ASH1L: variants seen among roughly 807,000 people sequenced by gnomAD.
ASH1L encodes histone-lysine N-methyltransferase ASH1L.
In ASH1L, 23 loss-of-function variants were observed where a neutral mutation model predicts 269.0. The ratio of observed to expected loss-of-function variants is 0.09; its 90% CI spans 0.06 to 0.12. ASH1L has a LOEUF of 0.12. Ranked by LOEUF, ASH1L falls within the 10% of genes least tolerant of loss-of-function variation. ASH1L has a pLI of 1.00. For missense variants in ASH1L, 2,912 were observed against 3,567.8 expected (o/e 0.82, Z 4.68); for synonymous variants, 1,187 against 1,253.5 (o/e 0.95, Z 1.12).
At chr1:155,361,518 CAAAAAAAAAA>C (rs1161207568) in intron 12 of ASH1L, among the ~76,000 whole-genome samples, 4 of 36,380 alleles carry the variant, frequency 1.1e-4, no homozygotes, top group African/African-American at 2.6e-4. Context: ...CTCCATCTCA[CAAAAAAAAAA>C]AAAAAAAAAA....
Position 155,337,239 on chromosome 1 carries a change from T to G in ASH1L, c.*421A>C, listed in dbSNP as rs1215917501. 6.4e-6 allele frequency: 1 copy of G among 155,962 alleles called. No homozygotes were observed. Among genetic ancestry groups the G allele is most frequent in the East Asian group, 1.8e-4 (1 of 5,428 alleles). The allele number at this position is 155,962 out of a possible 1,614,324, so 9.7% of individuals were successfully genotyped here. A position where few individuals can be genotyped will look rare whatever the true frequency, so the allele number is the denominator to read the frequency against. Reference sequence around the variant, plus strand: ...CAACAGAGAATAGATGGGGTAGGAATAGGGATCCTGGCCCTATCCCTTTGG... The same window carrying G: ...CAACAGAGAATAGATGGGGTAGGAAGAGGGATCCTGGCCCTATCCCTTTGG... On this transcript the variant is annotated 3_prime_UTR_variant, in exon 28 of 28. Transcript: ENST00000392403.
intron 6 of ASH1L, chr1:155,396,992 G>A (rs1439000564): frequency 6.6e-6 from 1 of 150,570 alleles, no homozygotes; most frequent in African/African-American, 2.4e-5. Flanking sequence ...GGGTGTGGTA[G>A]TGCATGCCTT....
rs1187301977 is a variant in ASH1L, at chr1:155,343,631, C to T, written c.8093G>A (p.Arg2698His). 1.2e-6 allele frequency: 2 copies of T among 1,614,106 alleles called. No homozygotes were observed. The highest frequency in any genetic ancestry group is 1.1e-5 in the South Asian group (1 of 91,076). The change falls in exon 23 of 28, where the codon CGC (arginine) becomes CAC (histidine). Residue 2698 changes from arginine to histidine, a missense_variant. By Grantham distance (29) the Arg-to-His change is conservative. Around this residue, in one of 13 missense-constraint regions of ASH1L, gnomAD observed 179 missense variants for 293.8 expected, o/e 0.61. Transcript: ENST00000392403. The surrounding 1 kb of genome is among the most constrained non-coding windows in gnomAD (Gnocchi z 6.1). ...HINRDKLDIF[R>H]IEKLWKNEKE... is the part of the protein sequence containing the mutation. ...TTCATTCTTCCAAAGCTTCTCAATG[C>T]GAAAGATGTCAAGTTTATCTCGGTT...
At chr1:155,487,553 T>G (rs969069391) in intron 2 of ASH1L, among the ~76,000 whole-genome samples, 14 of 151,810 alleles carry the variant, frequency 9.2e-5, no homozygotes, top group South Asian at 2.1e-4. Context: ...TTGTTTTTTG[T>G]TTTTTGGTTT....
At chr1:155,431,199 C>A (rs1366527278) in intron 5 of ASH1L, among the ~76,000 whole-genome samples, 4 of 151,046 alleles carry the variant, frequency 2.6e-5, no homozygotes, top group Non-Finnish European at 4.4e-5. Context: ...AGCAAGATGC[C>A]GTCTCAACAA....
intron 16 of ASH1L, among the ~76,000 whole-genome samples, 158 bp downstream of exon 16, chr1:155,354,315 C>T (rs1286970472): frequency 2.0e-5 from 3 of 152,090 alleles, no homozygotes; most frequent in Admixed American, 1.3e-4. Context: ...TGGTGGCGGG[C>T]GCCTGTAATC....
intron 1 of ASH1L, among the ~76,000 whole-genome samples, chr1:155,533,638 T>C (rs1669839007): frequency 6.7e-6 from 1 of 149,888 alleles, no homozygotes; most frequent in Non-Finnish European, 1.5e-5. Flanking sequence ...CACTTGAACC[T>C]GGCAGGCAAA....
At chr1:155,434,330 T>A (rs1661898642) in intron 5 of ASH1L, 1 of 1,547,714 alleles carries the variant, frequency 6.5e-7, no homozygotes. Context: ...ACCTGGAGTT[T>A]GTGCCAGGGC....
chr1:155,480,089 G>C lies in ASH1L; in HGVS notation c.2781C>G (p.Asp927Glu), dbSNP rs1665848278. ...ESPSKLESES[D>E]NHRSSSDFFE... is the part of the protein sequence containing the mutation. ...AGAAATCACTGCTACTTCTATGGTT[G>C]TCACTTTCAGATTCTAGCTTGCTTG... The change falls in exon 3 of 28, where the codon GAC (aspartate) becomes GAG (glutamate). Residue 927 changes from aspartate (D) to glutamate (E), a missense_variant. Physicochemically the swap from Asp to Glu is conservative, Grantham distance 45. This residue lies in a region of ASH1L where 715 missense variants were observed against 721.0 expected (regional missense o/e 0.99). Coordinates refer to ENST00000392403, the MANE Select transcript of ASH1L (RefSeq NM_018489.3). 2 of 1,613,944 alleles carry C rather than the reference G, an allele frequency of 1.2e-6. No homozygotes were observed. Among genetic ancestry groups the C allele is most frequent in the South Asian group, 2.2e-5 (2 of 91,080 alleles).
At chr1:155,339,601 T>G (rs1652601740) in intron 25 of ASH1L, among the ~76,000 whole-genome samples, 1 of 152,306 alleles carries the variant, frequency 6.6e-6, no homozygotes, top group Non-Finnish European at 1.5e-5. Flanking sequence ...TCTATCCCAT[T>G]TCACCTTTTA....
rs183141614 is a variant in ASH1L at position 155,362,208 on chromosome 1, A to T, written c.6687-1799T>A. Among the ~76,000 whole-genome samples the T allele has an allele frequency of 4.6e-5, 7 of 151,834 alleles. No individual in the cohort carries two copies. The East Asian group carries it at 1.4e-3, about 30-fold the overall frequency. On this transcript the variant is annotated intron_variant, in intron 12 of 27. Coordinates refer to ENST00000392403, the MANE Select transcript of ASH1L (RefSeq NM_018489.3). ...TGCCACCACGCCCAGCTACTTTTTC[A>T]TATTTTTAGTAGAGACAGGGTTTCA...
intron 10 of ASH1L, among the ~76,000 whole-genome samples, chr1:155,375,974 C>T (rs1297841260): frequency 2.0e-5 from 3 of 151,988 alleles, no homozygotes; most frequent in Non-Finnish European, 2.9e-5. Flanking sequence ...CGTGGTGACA[C>T]GCGTCTTTAG....
chr1:155,551,586 G>A (rs1671216430), intron 1 of ASH1L, among the ~76,000 whole-genome samples: 1 of 148,216 alleles, frequency 6.7e-6, no homozygotes, highest in Non-Finnish European at 1.5e-5. Flanking sequence ...CGTGAACCCG[G>A]GAGGCGGAGC....
Position 155,459,874 on chromosome 1 carries a change from G to C in ASH1L, c.5009C>G (p.Pro1670Arg), listed in dbSNP as rs777525071. ...LAGSQPTSDKPSQRPSESTNC... is the reference protein window; with the variant it reads ...LAGSQPTSDKRSQRPSESTNC... The stretch of plus-strand genomic sequence containing the variant: ...TGTGCTCTCTGATGGCCGCTGGGAG[G>C]GTTTATCAGAGGTTGGCTGGGAGCC... The change falls in exon 4 of 28, where the codon CCC becomes CGC. Residue 1670 changes from proline to arginine, a missense_variant. Physicochemically the swap from Pro to Arg is moderately radical, Grantham distance 103 (BLOSUM62 -2). Coordinates refer to ENST00000392403, the MANE Select transcript of ASH1L (RefSeq NM_018489.3). The C allele has an allele frequency of 2.5e-6, 4 of 1,606,688 alleles. No homozygotes were observed. The highest frequency in any genetic ancestry group is 1.7e-5 in the Admixed American group (1 of 58,644).
chr1:155,526,508 T>C (rs1669268636), intron 1 of ASH1L, among the ~76,000 whole-genome samples: 1 of 152,226 alleles, frequency 6.6e-6, no homozygotes, highest in Non-Finnish European at 1.5e-5. Context: ...GATCTCATTT[T>C]ATATTCCTGA....
intron 1 of ASH1L, among the ~76,000 whole-genome samples, chr1:155,525,598 AG>A (rs1443759954): frequency 3.3e-5 from 5 of 152,010 alleles, no homozygotes; most frequent in African/African-American, 1.2e-4. Flanking sequence ...TAACACTTGC[AG>A]GGAATTTTTT....
intron 12 of ASH1L, among the ~76,000 whole-genome samples, chr1:155,369,240 G>A (rs906694016): frequency 1.3e-5 from 2 of 152,120 alleles, no homozygotes; most frequent in East Asian, 1.9e-4. Context: ...TCAGGAGATC[G>A]AGACCATCCT....
intron 3 of ASH1L, among the ~76,000 whole-genome samples, chr1:155,476,985 T>TA (rs1558144506): frequency 6.6e-6 from 1 of 152,182 alleles, no homozygotes; most frequent in East Asian, 1.9e-4. Flanking sequence ...TACTGAGGTT[T>TA]AGAGAATTTA....
At chr1:155,342,618 CATAT>C (rs1652912280) in intron 24 of ASH1L, among the ~76,000 whole-genome samples, 1 of 152,198 alleles carries the variant, frequency 6.6e-6, no homozygotes, top group African/African-American at 2.4e-5. Context: ...TGACAAATAA[CATAT>C]ATTGAGCTTT....
Sources: gnomAD v4.1 joint callset for allele counts (sites outside exome capture counted in the v4.1 genomes callset) on GRCh38, gnomAD v4.1.1 for gene constraint, gnomAD v4.1.1 regional missense constraint, Gnocchi (gnomAD v3.1) non-coding constraint, MANE v1.5 for transcripts, NCBI Gene and HGNC (gene_info 2026-07-23, HGNC 2026-07-21) for gene names.